NCALD: variants seen among roughly 807,000 people sequenced by gnomAD.
The protein encoded by NCALD is neurocalcin delta.
Under a neutral mutation model 18.6 loss-of-function variants are expected in NCALD, and 10 were observed. That is an observed-to-expected ratio of 0.54 (90% confidence interval 0.33 to 0.91). The LOEUF (loss-of-function observed/expected upper bound fraction) is 0.91, where lower values mean the gene tolerates loss of function less well. Ranked by LOEUF, NCALD falls within the 40% of genes least tolerant of loss-of-function variation. NCALD has a pLI of 0.03. For synonymous variants in NCALD, 88 were observed against 87.4 expected (o/e 1.01, Z -0.04); for missense variants, 184 against 247.6 (o/e 0.74, Z 1.72).
intron 1 of NCALD, among the ~76,000 whole-genome samples, chr8:102,112,999 T>G (rs1370812392): frequency 1.3e-5 from 2 of 152,160 alleles, no homozygotes; most frequent in Admixed American, 1.3e-4. Context: ...TTTTTCTTTA[T>G]AAATTACCCA....
At chr8:101,810,065 G>T (rs1274941379) in intron 4 of NCALD, among the ~76,000 whole-genome samples, 1 of 152,174 alleles carries the variant, frequency 6.6e-6, no homozygotes, top group Non-Finnish European at 1.5e-5. Context: ...CAAGAACAGA[G>T]AAGCAATTCT....
At chr8:101,903,257 C>T (rs1036817006) in intron 3 of NCALD, among the ~76,000 whole-genome samples, 5 of 148,328 alleles carry the variant, frequency 3.4e-5, no homozygotes, top group African/African-American at 7.5e-5. Context: ...AGTGCAGTGG[C>T]GTGATCTCAG....
intron 2 of NCALD, among the ~76,000 whole-genome samples, chr8:101,925,963 T>G (rs556463039): frequency 8.5e-5 from 13 of 152,168 alleles, no homozygotes; most frequent in Non-Finnish European, 1.8e-4. Context: ...AGGAGTCCCC[T>G]GCAATGGGTC....
intron 2 of NCALD, among the ~76,000 whole-genome samples, chr8:101,981,305 T>C (rs778974477): frequency 5.3e-5 from 8 of 152,238 alleles, no homozygotes; most frequent in Non-Finnish European, 1.2e-4. Context: ...ATGTCCTATC[T>C]TGATTATTTC....
At chr8:101,909,638 TAAAGA>T (rs1465138884) in intron 3 of NCALD, among the ~76,000 whole-genome samples, 1 of 152,140 alleles carries the variant, frequency 6.6e-6, no homozygotes, top group African/African-American at 2.4e-5. Context: ...GTGTTATTAA[TAAAGA>T]AAATGAGCCT....
chr8:101,905,835 C>T (rs903891194), intron 3 of NCALD, among the ~76,000 whole-genome samples: 2 of 152,174 alleles, frequency 1.3e-5, no homozygotes, highest in Non-Finnish European at 2.9e-5. Flanking sequence ...TTCCAGGCCT[C>T]CCTATCTCTA....
chr8:101,875,403 A>T lies in NCALD; in HGVS notation c.-20+11738T>A, dbSNP rs62518466. On this transcript the variant is annotated intron_variant, in intron 4 of 6. Coordinates refer to the NCALD transcript ENST00000311028. ...CTCCTTGCAAGTATTCTTCTCAAGAATAGGCCCCCTCACTGACCCTGTCCC... is the reference window on the plus strand; with the variant it reads ...CTCCTTGCAAGTATTCTTCTCAAGATTAGGCCCCCTCACTGACCCTGTCCC... 3.0e-3 allele frequency among the ~76,000 whole-genome samples: 458 copies of T among 152,332 alleles called. 4 individuals are homozygous for T. Among genetic ancestry groups the T allele is most frequent in the South Asian group, 0.028 (137 of 4,828 alleles).
chr8:101,827,767 C>T (rs1195971851), intron 4 of NCALD, among the ~76,000 whole-genome samples: 2 of 152,200 alleles, frequency 1.3e-5, no homozygotes, highest in Non-Finnish European at 2.9e-5. Flanking sequence ...AAAGAATATA[C>T]TCCCCCAATC....
At chr8:102,071,002 AT>A (rs1234654655) in intron 1 of NCALD, among the ~76,000 whole-genome samples, 1 of 152,042 alleles carries the variant, frequency 6.6e-6, no homozygotes, top group African/African-American at 2.4e-5. Flanking sequence ...GAAAATGCAG[AT>A]TTTTTTTCTA....
At chr8:101,892,332 G>C (rs1212620837) in intron 3 of NCALD, among the ~76,000 whole-genome samples, 1 of 146,872 alleles carries the variant, frequency 6.8e-6, no homozygotes, top group Non-Finnish European at 1.5e-5. Context: ...CTAACAAACA[G>C]AAAGGACATC....
At chr8:101,989,126 G>A (rs1282164260) in intron 2 of NCALD, among the ~76,000 whole-genome samples, 3 of 152,108 alleles carry the variant, frequency 2.0e-5, no homozygotes, top group Non-Finnish European at 2.9e-5. Flanking sequence ...ACTGAACCTC[G>A]TGGGAACCTG....
chr8:101,807,611 G>A (rs911490790), intron 4 of NCALD, among the ~76,000 whole-genome samples: 12 of 152,100 alleles, frequency 7.9e-5, no homozygotes, highest in Admixed American at 6.6e-4. Context: ...GTAGAATAAA[G>A]CCAAGGTGCT....
chr8:102,086,168 T>A (rs993270456), intron 1 of NCALD, among the ~76,000 whole-genome samples: 1 of 152,208 alleles, frequency 6.6e-6, no homozygotes, highest in African/African-American at 2.4e-5. Flanking sequence ...AAGGAAAACA[T>A]CACTTGAGCA....
At chr8:102,097,840 C>T (rs1360637163) in intron 1 of NCALD, among the ~76,000 whole-genome samples, 1 of 152,192 alleles carries the variant, frequency 6.6e-6, no homozygotes, top group African/African-American at 2.4e-5. Context: ...GATGACATGA[C>T]AAGCCTTCAC....
rs549380353 is a variant in NCALD, at chr8:101,731,008, C to A, written c.-19-11360G>T. On this transcript the variant is annotated intron_variant, in intron 1 of 3. Transcript: ENST00000220931. ...TTGCAGAATACCAGCAGTCAGTGAA[C>A]GGGTGTCGGAGTTTTGAATCAGAAG... Among the ~76,000 whole-genome samples, 45 of 152,114 alleles carry A rather than the reference C, an allele frequency of 3.0e-4. 1 individual carries two copies. Among genetic ancestry groups the A allele is most frequent in the Admixed American group, 1.0e-3 (16 of 15,286 alleles).
At chr8:102,015,673 AG>A (rs1355785601) in intron 2 of NCALD, among the ~76,000 whole-genome samples, 1 of 152,228 alleles carries the variant, frequency 6.6e-6, no homozygotes, top group Non-Finnish European at 1.5e-5. Flanking sequence ...TAAGGACACA[AG>A]GCAACGAAGT....
At chr8:101,892,222 C>T (rs1054821655) in intron 3 of NCALD, among the ~76,000 whole-genome samples, 5 of 149,246 alleles carry the variant, frequency 3.4e-5, no homozygotes, top group South Asian at 2.1e-4. Flanking sequence ...CCCGAGCAGC[C>T]GAACTGGGAG....
At chr8:101,835,607 T>C (rs1814379131) in intron 4 of NCALD, among the ~76,000 whole-genome samples, 1 of 152,180 alleles carries the variant, frequency 6.6e-6, no homozygotes, top group Non-Finnish European at 1.5e-5. Context: ...GAATGCTGCA[T>C]GGGAGGGTTT....
At chr8:101,952,925 T>C (rs1480954387) in intron 2 of NCALD, among the ~76,000 whole-genome samples, 1 of 152,086 alleles carries the variant, frequency 6.6e-6, no homozygotes, top group Non-Finnish European at 1.5e-5. Flanking sequence ...AGACTTCTTT[T>C]TTTTTTTTAA....
Sources: allele counts gnomAD v4.1 joint callset (sites outside exome capture counted in the v4.1 genomes callset), GRCh38; gene constraint gnomAD v4.1.1; transcripts MANE v1.5; gene names NCBI Gene and HGNC (gene_info 2026-07-23, HGNC 2026-07-21).